CBX5: variants seen among roughly 807,000 people sequenced by gnomAD.
The protein encoded by CBX5 is chromobox protein homolog 5.
CBX5 carries 7 observed loss-of-function variants against 20.7 expected under a neutral mutation model. That is an observed-to-expected ratio of 0.34 (90% CI 0.19 to 0.63). The LOEUF (loss-of-function observed/expected upper bound fraction) is 0.63, where lower values mean the gene tolerates loss of function less well. CBX5 is among the 30% of genes least tolerant of loss of function. The probability of loss-of-function intolerance (pLI) is 0.75; values close to 1 mark genes in which losing one functional copy is unlikely to be tolerated. For synonymous variants in CBX5, 78 were observed against 77.0 expected, an observed-to-expected ratio of 1.01 and a Z score of -0.07; for missense variants, 110 against 224.1, an observed-to-expected ratio of 0.49 and a Z score of 3.25.
At chr12:54,242,815 T>TA (rs565224168) in intron 4 of CBX5, among the ~76,000 whole-genome samples, 8 of 151,308 alleles carry the variant, frequency 5.3e-5, no homozygotes, top group African/African-American at 9.7e-5. Flanking sequence ...CCAAATCAAT[T>TA]AAAAAAAAAT....
At chr12:54,250,841 A>G (rs1365591864) in intron 3 of CBX5, among the ~76,000 whole-genome samples, 3 of 130,196 alleles carry the variant, frequency 2.3e-5, no homozygotes, top group Admixed American at 7.9e-5. Flanking sequence ...AAAAAAAAAA[A>G]AAAGAAAGGG....
chr12:54,271,498 G>A (rs1010375521), intron 1 of CBX5, among the ~76,000 whole-genome samples: 1 of 152,002 alleles, frequency 6.6e-6, no homozygotes, highest in Non-Finnish European at 1.5e-5. Context: ...GATAATTTTT[G>A]TATTTTTAGT....
rs1174865259 is a variant in CBX5 at position 54,237,970 on chromosome 12, T to A, written c.*3785A>T. ...ACTTTGGGAGGCCAAGGTGGGCAGA[T>A]CACAAGGTCAGGAAATCGAGACCAT... On this transcript the variant is annotated 3_prime_UTR_variant, in exon 5 of 5. Coordinates refer to ENST00000209875, the MANE Select transcript of CBX5 (RefSeq NM_012117.3). 1 of 152,150 alleles carries A rather than the reference T, an allele frequency of 6.6e-6. No individual in the cohort carries two copies. Among genetic ancestry groups the A allele is most frequent in the African/African-American group, 2.4e-5 (1 of 41,430 alleles). The allele number at this position is 152,150 out of a possible 1,614,324, so 9.4% of individuals were successfully genotyped here.
intron 1 of CBX5, among the ~76,000 whole-genome samples, chr12:54,266,862 T>C (rs1429960157): frequency 6.6e-6 from 1 of 152,226 alleles, no homozygotes; most frequent in Admixed American, 6.5e-5. Flanking sequence ...CGCATTCTAT[T>C]TTATAGAATA....
rs536896763 is a variant in CBX5, at chr12:54,246,062, T to G, written c.425+53A>C. Reference sequence around the variant, plus strand: ...TTGCCACCCTATCTTCCACACAAATTCAAGTCACTGGCAAAGAAACACAAT... The same window carrying G: ...TTGCCACCCTATCTTCCACACAAATGCAAGTCACTGGCAAAGAAACACAAT... On this transcript the variant is annotated intron_variant, in intron 4 of 4. Transcript: ENST00000209875. 8 of 1,222,598 alleles carry G rather than the reference T, an allele frequency of 6.5e-6. No individual in the cohort carries two copies. The Admixed American group carries it at 6.7e-5, about 10-fold the overall frequency. The allele number at this position is 1,222,598 out of a possible 1,614,324, so 75.7% of individuals were successfully genotyped here. A position where few individuals can be genotyped will look rare whatever the true frequency, so the allele number is the denominator to read the frequency against.
intron 1 of CBX5, chr12:54,262,474 A>G (rs1943922030): frequency 6.5e-6 from 1 of 153,108 alleles, no homozygotes; most frequent in African/African-American, 2.4e-5. Flanking sequence ...GAGTCAGAGT[A>G]CAACCATAAT....
chr12:54,245,316 A>G (rs1565867422), intron 4 of CBX5, among the ~76,000 whole-genome samples: 1 of 151,942 alleles, frequency 6.6e-6, no homozygotes, highest in Non-Finnish European at 1.5e-5. Context: ...CGACCTTTAT[A>G]TATTTTCTAC....
At chr12:54,256,770 C>G (rs1943866145) in intron 2 of CBX5, among the ~76,000 whole-genome samples, 2 of 152,144 alleles carry the variant, frequency 1.3e-5, no homozygotes, top group South Asian at 4.1e-4. Context: ...ATTAATTTCA[C>G]AGCCAGGCAC....
chr12:54,248,848 C>T (rs1233841789), intron 3 of CBX5, among the ~76,000 whole-genome samples: 1 of 152,182 alleles, frequency 6.6e-6, no homozygotes. Flanking sequence ...GAAATAAACA[C>T]AATCCCCTCC....
At chr12:54,243,973 A>G (rs1323353671) in intron 4 of CBX5, among the ~76,000 whole-genome samples, 1 of 152,120 alleles carries the variant, frequency 6.6e-6, no homozygotes, top group Non-Finnish European at 1.5e-5. Flanking sequence ...CAGTACTCTC[A>G]TCAGATAAAA....
At position 54,236,423 on chromosome 12, in the gene CBX5, A is replaced by G. The variant is rs1943623423; in HGVS notation, c.*5332T>C. 6.6e-6 allele frequency: 1 copy of G among 152,226 alleles called. No homozygotes were observed. Among genetic ancestry groups the G allele is most frequent in the East Asian group, 1.9e-4 (1 of 5,204 alleles). 9.4% of individuals were successfully genotyped at this position (152,226 alleles called of 1,614,324 possible). ...ACAGCAATGTGGCTGGAATTTAGAA[A>G]GCTTAATAAAAATTGGGTGAGGGGG... is the stretch of plus-strand genomic sequence containing the variant. On this transcript the variant is annotated 3_prime_UTR_variant, in exon 5 of 5. Coordinates refer to ENST00000209875, the MANE Select transcript of CBX5 (RefSeq NM_012117.3).
At chr12:54,265,692 G>T (rs1943949810) in intron 1 of CBX5, among the ~76,000 whole-genome samples, 1 of 152,182 alleles carries the variant, frequency 6.6e-6, no homozygotes, top group South Asian at 2.1e-4. Flanking sequence ...AGAGAGCATG[G>T]AGGCAAGAAA....
intron 1 of CBX5, among the ~76,000 whole-genome samples, chr12:54,258,957 A>G (rs770999096): frequency 8.6e-5 from 13 of 151,826 alleles, no homozygotes; most frequent in Non-Finnish European, 1.8e-4. Flanking sequence ...TTTAAAAATT[A>G]TTACAAGAAT....
chr12:54,258,677 G>A (rs949161203), intron 1 of CBX5, among the ~76,000 whole-genome samples: 8 of 152,306 alleles, frequency 5.3e-5, no homozygotes, highest in African/African-American at 1.9e-4. Context: ...AAATTCCCAT[G>A]TTGTTGTTCC....
chr12:54,246,274 C>T, intron 3 of CBX5, 59 bp from the exon 4 acceptor site: 1 of 1,238,690 alleles, frequency 8.1e-7, no homozygotes, highest in Non-Finnish European at 1.2e-6. Flanking sequence ...AAACTCCCTG[C>T]TTCTAGGCTC....
In CBX5 at chr12:54,234,270, TC is replaced by T. The variant is rs1943597937; in HGVS notation, c.*7484del. On this transcript the variant is annotated 3_prime_UTR_variant, in exon 5 of 5. Transcript: ENST00000209875. ...AGACCTAAATAGATTTTTTTTTTTT[TC>T]CTCACTGATAGCTGATCACATTAAA... 1 of 151,436 alleles carries T rather than the reference TC, an allele frequency of 6.6e-6. No homozygotes were observed. Among genetic ancestry groups the T allele is most frequent in the African/African-American group, 2.4e-5 (1 of 41,234 alleles). The allele number at this position is 151,436 out of a possible 1,614,324, so 9.4% of individuals were successfully genotyped here.
intron 1 of CBX5, among the ~76,000 whole-genome samples, chr12:54,258,910 A>G (rs1200907470): frequency 6.6e-6 from 1 of 152,178 alleles, no homozygotes; most frequent in Non-Finnish European, 1.5e-5. Flanking sequence ...GTCACATAAA[A>G]AGTGGCAATT....
rs765495150 is a variant in CBX5 at position 54,241,764 on chromosome 12, T to C, written c.567A>G (p.Ala189=). 6.2e-7 allele frequency: 1 copy of C among 1,611,882 alleles called. No homozygotes were observed. Among genetic ancestry groups the C allele is most frequent in the East Asian group, 2.2e-5 (1 of 44,848 alleles). ...GAGACCATCCCCTCCTTTAGCTCTT[T>C]GCTGTTTCTTTCTCTTTGTTTTCCG... ...EDAENKEKET[A]KS is the part of the protein sequence containing the mutation. Residue 189 remains alanine (A), a synonymous_variant, in exon 5 of 5, where the codon GCA becomes GCG. Transcript: ENST00000209875.
intron 1 of CBX5, among the ~76,000 whole-genome samples, chr12:54,275,557 C>T (rs760665267): frequency 1.2e-4 from 18 of 152,108 alleles, no homozygotes; most frequent in Non-Finnish European, 2.4e-4. Flanking sequence ...TCTCTAAGTT[C>T]TAAGCACAAG....
Sources: gnomAD v4.1 joint callset for allele counts (sites outside exome capture counted in the v4.1 genomes callset) on GRCh38, gnomAD v4.1.1 for gene constraint, MANE v1.5 for transcripts, NCBI Gene and HGNC (gene_info 2026-07-23, HGNC 2026-07-21) for gene names.